WLS: variants seen among roughly 807,000 people sequenced by gnomAD.
WLS encodes protein wntless homolog.
A neutral mutation model predicts 62.8 loss-of-function variants in WLS; 23 were observed. The ratio of observed to expected loss-of-function variants is 0.37; its 90% confidence interval spans 0.26 to 0.52. The LOEUF (loss-of-function observed/expected upper bound fraction) is 0.52. WLS is among the 20% of genes least tolerant of loss of function. WLS has a pLI of 0.92. For missense variants in WLS, 615 were observed against 697.3 expected (o/e 0.88, Z 1.33); for synonymous variants, 246 against 244.1 (o/e 1.01, Z -0.07).
At chr1:68,117,104 C>T (rs1011537699) in intron 11 of WLS, among the ~76,000 whole-genome samples, 4 of 151,916 alleles carry the variant, frequency 2.6e-5, no homozygotes, top group African/African-American at 9.7e-5. Flanking sequence ...CCTGCTTTTC[C>T]TCCTTTCTCC....
downstream of WLS, chr1:68,125,326 G>A (rs1482512497): frequency 2.0e-6 from 2 of 985,198 alleles, no homozygotes; most frequent in Non-Finnish European, 2.4e-6. Context: ...CCACCTCTAG[G>A]TTCAACCTGG....
At chr1:68,162,428 C>G in intron 2 of WLS, 1 of 1,613,742 alleles carries the variant, frequency 6.2e-7, no homozygotes, top group Non-Finnish European at 8.5e-7. Context: ...CTCTGCACGC[C>G]CAGGGATCGC....
intron 2 of WLS, chr1:68,162,573 C>A (rs1455060206): frequency 6.5e-7 from 1 of 1,539,136 alleles, no homozygotes; most frequent in Non-Finnish European, 9.0e-7. Flanking sequence ...TGGCCGATCC[C>A]GAGGCCAACT....
intron 1 of WLS, among the ~76,000 whole-genome samples, chr1:68,216,113 T>C (rs564103660): frequency 3.3e-4 from 50 of 152,288 alleles, no homozygotes; most frequent in African/African-American, 1.2e-3. Context: ...CAAAAAGAAA[T>C]GTTTGGCCAA....
At chr1:68,211,557 C>A (rs967183843) in intron 1 of WLS, among the ~76,000 whole-genome samples, 5 of 152,152 alleles carry the variant, frequency 3.3e-5, no homozygotes, top group South Asian at 2.1e-4. Context: ...TCTAAGAAAG[C>A]AACTACAGAA....
chr1:68,129,383 T>C (rs1646484821), intron 11 of WLS, among the ~76,000 whole-genome samples: 1 of 152,232 alleles, frequency 6.6e-6, no homozygotes. Flanking sequence ...ATATTTACTT[T>C]GCTTTTGTAT....
intron 1 of WLS, chr1:68,202,641 C>G (rs1331831465): frequency 6.6e-6 from 1 of 152,216 alleles, no homozygotes; most frequent in Non-Finnish European, 1.5e-5. Flanking sequence ...GGCCAGTCAT[C>G]TGGGCTAAGT....
intron 2 of WLS, among the ~76,000 whole-genome samples, chr1:68,164,365 TCTC>T (rs1325697887): frequency 5.3e-5 from 8 of 151,874 alleles, no homozygotes; most frequent in Admixed American, 2.0e-4. Context: ...TTCAAGCAAT[TCTC>T]CTGCCTCAGC....
chr1:68,202,453 TG>T (rs1288911651), intron 1 of WLS: 2 of 152,198 alleles, frequency 1.3e-5, no homozygotes, highest in African/African-American at 2.4e-5. Flanking sequence ...AAAAGACTGA[TG>T]GAAGTATATC....
chr1:68,162,036 G>A, intron 2 of WLS: 1 of 1,592,730 alleles, frequency 6.3e-7, no homozygotes, highest in Non-Finnish European at 8.6e-7. Context: ...AGTTTCTTAA[G>A]CTTTCTGGGA....
At chr1:68,178,938 CTT>C (rs1647394450) in intron 2 of WLS, among the ~76,000 whole-genome samples, 1 of 152,104 alleles carries the variant, frequency 6.6e-6, no homozygotes, top group Admixed American at 6.5e-5. Flanking sequence ...TCATGAAACT[CTT>C]TGAGGTTATT....
At chr1:68,212,343 G>A (rs1232644174) in intron 1 of WLS, among the ~76,000 whole-genome samples, 4 of 152,176 alleles carry the variant, frequency 2.6e-5, no homozygotes. Context: ...ATGGGTACTT[G>A]TAAACCTTCT....
At chr1:68,204,406 G>A (rs575972263) in intron 1 of WLS, among the ~76,000 whole-genome samples, 3 of 151,814 alleles carry the variant, frequency 2.0e-5, no homozygotes, top group South Asian at 2.1e-4. Flanking sequence ...TGCAAGCTCC[G>A]CCTCCCGGGT....
intron 2 of WLS, among the ~76,000 whole-genome samples, chr1:68,188,938 A>G (rs1648131579): frequency 6.6e-6 from 1 of 152,230 alleles, no homozygotes; most frequent in South Asian, 2.1e-4. Flanking sequence ...AATTAAAGCT[A>G]AAAGAGTCTC....
chr1:68,137,836 G>A lies in WLS; in HGVS notation c.1460C>T (p.Ala487Val), dbSNP rs1339147174. The change falls in exon 11 of 12, where the codon GCT becomes GTT. Residue 487 changes from alanine to valine, a missense_variant. Ala to Val is a moderately conservative substitution (Grantham distance 64). Coordinates refer to ENST00000262348, the MANE Select transcript of WLS (RefSeq NM_024911.7). ...IYGMWNLYVF[A>V]LMFLYAPSHK... Reference sequence around the variant, plus strand: ...GGATGGTGCATACAAGAACATCAGAGCAAAGACATACAGATTCCACATCCC... The same window carrying A: ...GGATGGTGCATACAAGAACATCAGAACAAAGACATACAGATTCCACATCCC... 3 of 1,613,992 alleles carry A rather than the reference G, an allele frequency of 1.9e-6. No homozygotes were observed. The highest frequency in any genetic ancestry group is 1.7e-5 in the Admixed American group (1 of 60,010).
At chr1:68,184,404 G>C (rs1180845512) in intron 2 of WLS, among the ~76,000 whole-genome samples, 3 of 152,062 alleles carry the variant, frequency 2.0e-5, no homozygotes, top group Non-Finnish European at 4.4e-5. Flanking sequence ...TTTAAAAAAT[G>C]GTATATTTGG....
At chr1:68,227,545 CTT>C (rs1284284254) in intron 1 of WLS, among the ~76,000 whole-genome samples, 1 of 151,562 alleles carries the variant, frequency 6.6e-6, no homozygotes. Context: ...ATTGAAAACT[CTT>C]TTTAAGAGTT....
At position 68,104,852 on chromosome 1, in the gene WLS, C is replaced by T. The variant is rs1396456052; in HGVS notation, c.1511-6099G>A. 3.3e-5 allele frequency among the ~76,000 whole-genome samples: 5 copies of T among 152,148 alleles called. No individual in the cohort carries two copies. In the East Asian group the frequency reaches 7.7e-4, roughly 23 times the overall value. On this transcript the variant is annotated intron_variant, in intron 11 of 11. Coordinates refer to the WLS transcript ENST00000354777. ...GGAGGATGGCTTGAACCTGGGAGGCCAAGGATGCAGGTAGCCATGATCGTG... is the reference window on the plus strand; with the variant it reads ...GGAGGATGGCTTGAACCTGGGAGGCTAAGGATGCAGGTAGCCATGATCGTG...
intron 11 of WLS, among the ~76,000 whole-genome samples, chr1:68,130,239 G>A (rs1206596529): frequency 2.0e-5 from 3 of 152,210 alleles, no homozygotes; most frequent in African/African-American, 7.2e-5. Context: ...TTCTGAGGAT[G>A]TATTACAGAT....
Sources: gnomAD v4.1 joint callset for allele counts (sites outside exome capture counted in the v4.1 genomes callset) on GRCh38, gnomAD v4.1.1 for gene constraint, MANE v1.5 for transcripts, NCBI Gene and HGNC (gene_info 2026-07-23, HGNC 2026-07-21) for gene names.